METAP1D: variants seen among roughly 807,000 people sequenced by gnomAD.
METAP1D encodes the protein methionyl aminopeptidase type 1D, mitochondrial.
METAP1D carries 31 observed loss-of-function variants against 40.5 expected under a neutral mutation model. The observed-to-expected ratio is 0.77, with a 90% CI of 0.58 to 1.03. The LOEUF is 1.03. Among genes scored for constraint, METAP1D ranks in the 50% least tolerant of loss-of-function variants. The pLI is 0.00. For synonymous variants in METAP1D, 151 were observed against 146.4 expected, an observed-to-expected ratio of 1.03 and a Z score of -0.22; for missense variants, 411 against 420.7, an observed-to-expected ratio of 0.98 and a Z score of 0.20.
intron 1 of METAP1D, among the ~76,000 whole-genome samples, chr2:172,026,367 A>G (rs1203790600): frequency 1.3e-5 from 2 of 152,222 alleles, no homozygotes; most frequent in Admixed American, 1.3e-4. Context: ...GCAGGAATAC[A>G]TCACAGATAG....
chr2:172,013,570 C>T (rs1688779659), intron 1 of METAP1D, among the ~76,000 whole-genome samples: 1 of 151,958 alleles, frequency 6.6e-6, no homozygotes, highest in Admixed American at 6.6e-5. Context: ...TATACAAAGA[C>T]AGGATGGCAG....
At chr2:172,049,185 A>G (rs910563865) in intron 1 of METAP1D, among the ~76,000 whole-genome samples, 2 of 152,022 alleles carry the variant, frequency 1.3e-5, no homozygotes, top group Non-Finnish European at 2.9e-5. Context: ...AGGTTTCACC[A>G]TGTTTCCCAG....
At chr2:172,041,728 ATATAT>A (rs1689533844) in intron 1 of METAP1D, among the ~76,000 whole-genome samples, 1 of 16,854 alleles carries the variant, frequency 5.9e-5, no homozygotes, top group African/African-American at 1.9e-4. Flanking sequence ...TAATTATTTT[ATATAT>A]ATATATATAT....
chr2:172,048,624 C>A (rs1689811612), intron 1 of METAP1D, among the ~76,000 whole-genome samples: 1 of 152,148 alleles, frequency 6.6e-6, no homozygotes, highest in African/African-American at 2.4e-5. Context: ...TTAAATTTCA[C>A]ACTGTTTCCT....
chr2:172,017,401 A>G (rs1688899693), intron 1 of METAP1D, among the ~76,000 whole-genome samples: 1 of 150,674 alleles, frequency 6.6e-6, no homozygotes, highest in South Asian at 2.1e-4. Context: ...ATGTGTATAT[A>G]TGTATATATG....
At chr2:172,008,084 G>A (rs1688631261) in intron 1 of METAP1D, among the ~76,000 whole-genome samples, 1 of 145,594 alleles carries the variant, frequency 6.9e-6, no homozygotes, top group Admixed American at 6.9e-5. Flanking sequence ...TTGGTTCTGT[G>A]GAGCTTTGCA....
At chr2:172,014,874 G>A (rs763863336) in intron 1 of METAP1D, among the ~76,000 whole-genome samples, 6 of 151,284 alleles carry the variant, frequency 4.0e-5, no homozygotes, top group Admixed American at 3.3e-4. Flanking sequence ...GGATGGTCTC[G>A]AACTCCTGAC....
chr2:172,042,228 C>CATATACAT lies in METAP1D; in HGVS notation c.41-19267_41-19260dup, dbSNP rs1553493537. On this transcript the variant is annotated intron_variant, in intron 1 of 9. Coordinates refer to ENST00000315796, the MANE Select transcript of METAP1D (RefSeq NM_199227.3). ...ACATATGTATGTGTACATGTGTACA[C>CATATACAT]ATATACATATGTATGTGTACATGTG... 1.7e-4 allele frequency among the ~76,000 whole-genome samples: 2 copies of CATATACAT among 11,708 alleles called. 1 individual carries two copies. Among genetic ancestry groups the CATATACAT allele is most frequent in the Non-Finnish European group, 6.1e-4 (2 of 3,264 alleles). 7.7% of individuals were successfully genotyped at this position (11,708 alleles called of 152,430 possible). A position where few individuals can be genotyped will look rare whatever the true frequency, so the allele number is the denominator to read the frequency against.
At chr2:172,028,036 C>T (rs1383467959) in intron 1 of METAP1D, among the ~76,000 whole-genome samples, 1 of 152,130 alleles carries the variant, frequency 6.6e-6, no homozygotes, top group African/African-American at 2.4e-5. Context: ...GGTTTCAGAC[C>T]TCACGGAGTT....
intron 1 of METAP1D, among the ~76,000 whole-genome samples, chr2:172,009,195 C>T (rs934849685): frequency 1.3e-5 from 2 of 151,912 alleles, no homozygotes; most frequent in South Asian, 2.1e-4. Context: ...CGCCCACCAC[C>T]GCGCCAGGCT....
intron 1 of METAP1D, among the ~76,000 whole-genome samples, chr2:172,030,002 C>T (rs371408794): frequency 7.2e-5 from 11 of 152,244 alleles, no homozygotes; most frequent in East Asian, 3.9e-4. Context: ...GTGATCCACC[C>T]GCCTGGGCCT....
At chr2:172,021,975 A>G (rs1435332929) in intron 1 of METAP1D, 1 of 152,358 alleles carries the variant, frequency 6.6e-6, no homozygotes, top group East Asian at 1.9e-4. Context: ...TGTAGTTTGC[A>G]GTTTGCATCC....
At position 172,080,200 on chromosome 2, in the gene METAP1D, A is replaced by G. The variant is rs1690667504; in HGVS notation, c.923A>G (p.Asn308Ser). Reference sequence around the variant, plus strand: ...GCATGGACTGTGGTCTCCCTAGACAATCAAAGGTGTTTGCTTTCTGCTCTG... The same window carrying G: ...GCATGGACTGTGGTCTCCCTAGACAGTCAAAGGTGTTTGCTTTCTGCTCTG... Reference protein sequence around the residue: ...EDAWTVVSLDNQRSAQFEHTV... With the variant: ...EDAWTVVSLDSQRSAQFEHTV... The change falls in exon 9 of 10, where the codon AAT becomes AGT. Residue 308 changes from asparagine (N) to serine (S), a missense_variant. Asn to Ser is a conservative substitution (Grantham distance 46, BLOSUM62 1). Transcript: ENST00000315796. 3 of 1,614,212 alleles carry G rather than the reference A, an allele frequency of 1.9e-6. No individual in the cohort carries two copies. The highest frequency in any genetic ancestry group is 1.3e-5 in the African/African-American group (1 of 75,066).
At chr2:172,075,365 A>T (rs191000318) in intron 6 of METAP1D, among the ~76,000 whole-genome samples, 3 of 152,310 alleles carry the variant, frequency 2.0e-5, no homozygotes, top group Admixed American at 1.3e-4. Context: ...TGAAATGTCC[A>T]GGGCAAGAAA....
chr2:172,072,697 C>G (rs958405312), intron 6 of METAP1D, among the ~76,000 whole-genome samples: 2 of 151,920 alleles, frequency 1.3e-5, no homozygotes, highest in African/African-American at 4.8e-5. Flanking sequence ...CATTTTTACT[C>G]TCTGTACTTT....
At position 172,063,791 on chromosome 2, in the gene METAP1D, G is replaced by A; in HGVS notation, c.279G>A (p.Gln93=). ...GDSIEVKNED[Q]IQGLHQACQL... The stretch of plus-strand genomic sequence containing the variant: ...GCATAGAAGTTAAGAATGAAGATCA[G>A]ATTCAAGGGCTTCATCAGGCTTGTC... Residue 93 remains glutamine, a synonymous_variant, in exon 3 of 10, where the codon CAG becomes CAA. Coordinates refer to ENST00000315796, the MANE Select transcript of METAP1D (RefSeq NM_199227.3). The A allele has an allele frequency of 6.2e-7, 1 of 1,614,146 alleles. No individual in the cohort carries two copies.
intron 1 of METAP1D, among the ~76,000 whole-genome samples, chr2:172,018,865 C>G (rs112874798): frequency 6.6e-6 from 1 of 152,016 alleles, no homozygotes; most frequent in Non-Finnish European, 1.5e-5. Flanking sequence ...GGATCCAATT[C>G]GGTATTCCAC....
In METAP1D at chr2:172,002,250, G is replaced by GTA. The variant is rs577730587; in HGVS notation, c.40+2252_40+2253dup. Among the ~76,000 whole-genome samples, 22 of 151,236 alleles carry GTA rather than the reference G, an allele frequency of 1.5e-4. No individual in the cohort carries two copies. The East Asian group carries it at 1.9e-3, about 13-fold the overall frequency. ...TGAAAACATACATAGGTGTATGTAT[G>GTA]TATATATATATACACCTATGCATGT... is the stretch of plus-strand genomic sequence containing the variant. On this transcript the variant is annotated intron_variant, in intron 1 of 9. Transcript: ENST00000315796.
intron 6 of METAP1D, among the ~76,000 whole-genome samples, chr2:172,072,853 G>C (rs1425571346): frequency 1.3e-5 from 2 of 152,052 alleles, no homozygotes; most frequent in African/African-American, 4.8e-5. Flanking sequence ...CATGAAAATG[G>C]TTTCATTATA....
Sources: gnomAD v4.1 joint callset for allele counts (sites outside exome capture counted in the v4.1 genomes callset) on GRCh38, gnomAD v4.1.1 for gene constraint, MANE v1.5 for transcripts, NCBI Gene and HGNC (gene_info 2026-07-23, HGNC 2026-07-21) for gene names.